The following CSTF3 variants were observed in gnomAD, a reference collection of about 807,000 sequenced individuals.
CSTF3 encodes the protein cleavage stimulation factor subunit 3, also known as CF-1 77 kDa subunit.
CSTF3 carries 29 observed loss-of-function variants against 105.8 expected under a neutral mutation model. The observed-to-expected ratio is 0.27, with a 90% CI of 0.20 to 0.37. The LOEUF (loss-of-function observed/expected upper bound fraction) is 0.37. Among genes scored for constraint, CSTF3 ranks in the 10% least tolerant of loss-of-function variants. The probability of loss-of-function intolerance (pLI) is 1.00; values close to 1 mark genes in which losing one functional copy is unlikely to be tolerated. For missense variants in CSTF3, 357 were observed against 879.3 expected (o/e 0.41, Z 7.51); for synonymous variants, 252 against 281.9 (o/e 0.89, Z 1.06).
At chr11:33,122,914 C>CAAA (rs10600978) in intron 3 of CSTF3, among the ~76,000 whole-genome samples, 56 of 83,646 alleles carry the variant, frequency 6.7e-4, no homozygotes, top group Middle Eastern at 7.4e-3. Context: ...TATCCTGTCT[C>CAAA]AAAAAAAAAA....
In CSTF3 at chr11:33,087,058, C is replaced by T; in HGVS notation, c.1725G>A (p.Val575=). 1 of 1,614,104 alleles carries T rather than the reference C, an allele frequency of 6.2e-7. No individual in the cohort carries two copies. The highest frequency in any genetic ancestry group is 8.5e-7 in the Non-Finnish European group (1 of 1,180,010). Residue 575 remains valine, a synonymous_variant, in exon 18 of 21, where the codon GTG becomes GTA. Coordinates refer to ENST00000323959, the MANE Select transcript of CSTF3 (RefSeq NM_001326.3). ...PSIVPVLKDE[V]DRKPEYPKPD... is the part of the protein sequence containing the mutation. Reference sequence around the variant, plus strand: ...GTTTAGGGTATTCTGGTTTTCTATCCACTTCATCTTTCAGAACAGGCACTA... The same window carrying T: ...GTTTAGGGTATTCTGGTTTTCTATCTACTTCATCTTTCAGAACAGGCACTA...
At chr11:33,157,644 CCT>C (rs781042098) in intron 1 of CSTF3, among the ~76,000 whole-genome samples, 12 of 152,064 alleles carry the variant, frequency 7.9e-5, no homozygotes, top group Admixed American at 2.6e-4. Flanking sequence ...CAATAATTTC[CCT>C]CTGTTAGGGG....
chr11:33,161,209 T>C lies in CSTF3; in HGVS notation c.27+90A>G. ...TGTCCCCCGGGTTCACTAGACCCAA[T>C]TCCTTCCTCAGCCGAACATGTCTGG... On this transcript the variant is annotated intron_variant, in intron 1 of 20. Transcript: ENST00000323959. 3 of 1,472,346 alleles carry C rather than the reference T, an allele frequency of 2.0e-6. 1 individual carries two copies. In the South Asian group the frequency reaches 3.4e-5, roughly 17 times the overall value. 91.2% of individuals were successfully genotyped at this position (1,472,346 alleles called of 1,614,324 possible). A position where few individuals can be genotyped will look rare whatever the true frequency, so the allele number is the denominator to read the frequency against.
At chr11:33,123,169 T>C (rs1346948179) in intron 3 of CSTF3, among the ~76,000 whole-genome samples, 1 of 150,990 alleles carries the variant, frequency 6.6e-6, no homozygotes, top group African/African-American at 2.4e-5. Flanking sequence ...ACTTCCCTAA[T>C]GTGCTCTTGT....
At chr11:33,143,060 CCA>C (rs1590284082) in intron 1 of CSTF3, among the ~76,000 whole-genome samples, 2 of 152,058 alleles carry the variant, frequency 1.3e-5, no homozygotes, top group East Asian at 3.9e-4. Flanking sequence ...TCATCCTGCG[CCA>C]CAAAGAAAAT....
chr11:33,131,906 T>C (rs930110374), intron 3 of CSTF3, among the ~76,000 whole-genome samples: 1 of 147,854 alleles, frequency 6.8e-6, no homozygotes, highest in African/African-American at 2.7e-5. Context: ...GTATTGTGGT[T>C]TTACAGGGTA....
At chr11:33,115,265 C>T (rs1364801547) in intron 3 of CSTF3, among the ~76,000 whole-genome samples, 2 of 152,174 alleles carry the variant, frequency 1.3e-5, no homozygotes, top group Admixed American at 6.6e-5. Flanking sequence ...ATCCTGAAAT[C>T]TGAAAGCAAA....
Position 33,085,207 on chromosome 11 carries a change from T to C in CSTF3, c.2034A>G (p.Ala678=). Residue 678 remains alanine (A), a synonymous_variant, in exon 21 of 21, where the codon GCA becomes GCG. Transcript: ENST00000323959. ...GCCTTTTGACGGCCTTGGTGAGTAC[T>C]GCATTACTTTCCACGGGGCCGTTGC... ...VEGNGPVESN[A]VLTKAVKRPN... is the part of the protein sequence containing the mutation. 3 of 1,611,744 alleles carry C rather than the reference T, an allele frequency of 1.9e-6. No individual in the cohort carries two copies. Among genetic ancestry groups the C allele is most frequent in the Non-Finnish European group, 2.5e-6 (3 of 1,178,872 alleles).
At chr11:33,128,914 C>T (rs1855571192) in intron 3 of CSTF3, among the ~76,000 whole-genome samples, 1 of 152,170 alleles carries the variant, frequency 6.6e-6, no homozygotes, top group Non-Finnish European at 1.5e-5. Context: ...CATACATGTA[C>T]TTCAAACCTC....
At position 33,098,713 on chromosome 11, in the gene CSTF3, T is replaced by A. The variant is rs953610086; in HGVS notation, c.1105A>T (p.Ile369Phe). ...VHSIYNRLLAIEDIDPTLVYI... is the reference protein window; with the variant it reads ...VHSIYNRLLAFEDIDPTLVYI... ...ACCAAGGTAGGGTCAATATCCTCAA[T>A]TGCCAGAAGTCTGTTATATATACTG... Residue 369 changes from isoleucine (I) to phenylalanine (F), a missense_variant, in exon 13 of 21, where the codon ATT becomes TTT. Ile to Phe is a conservative substitution (Grantham distance 21, BLOSUM62 0). Transcript: ENST00000323959. The A allele has an allele frequency of 2.5e-6, 4 of 1,582,118 alleles. No individual in the cohort carries two copies. The highest frequency in any genetic ancestry group is 1.4e-5 in the African/African-American group (1 of 72,822).
intron 3 of CSTF3, among the ~76,000 whole-genome samples, chr11:33,120,971 G>A (rs571266911): frequency 6.6e-6 from 1 of 152,092 alleles, no homozygotes; most frequent in African/African-American, 2.4e-5. Flanking sequence ...GACTAAAATG[G>A]AGGAATAATT....
chr11:33,133,523 A>G (rs1209170555), intron 3 of CSTF3, among the ~76,000 whole-genome samples: 1 of 152,246 alleles, frequency 6.6e-6, no homozygotes, highest in Admixed American at 6.5e-5. Context: ...CTTTTCAGCT[A>G]AAACCTATAA....
chr11:33,126,318 C>CAGG (rs1855542372), intron 3 of CSTF3, among the ~76,000 whole-genome samples: 1 of 152,014 alleles, frequency 6.6e-6, no homozygotes, highest in African/African-American at 2.4e-5. Flanking sequence ...TGGCCTGCAA[C>CAGG]TGTGGTCTTG....
intron 3 of CSTF3, among the ~76,000 whole-genome samples, chr11:33,118,364 T>C (rs1223600039): frequency 6.6e-6 from 1 of 151,912 alleles, no homozygotes; most frequent in Non-Finnish European, 1.5e-5. Context: ...TCAACAACCA[T>C]CACTTAACAT....
intron 3 of CSTF3, among the ~76,000 whole-genome samples, chr11:33,125,066 A>G (rs1018336740): frequency 6.6e-6 from 1 of 152,216 alleles, no homozygotes; most frequent in Non-Finnish European, 1.5e-5. Context: ...ATCATTCTGG[A>G]AATTTCAGTA....
At chr11:33,125,399 G>A (rs147640604) in intron 3 of CSTF3, among the ~76,000 whole-genome samples, 7 of 152,260 alleles carry the variant, frequency 4.6e-5, no homozygotes, top group Middle Eastern at 3.4e-3. Flanking sequence ...TCTCTGAGGC[G>A]TAGGAAGAAG....
chr11:33,113,527 C>T (rs1855401377), intron 3 of CSTF3, among the ~76,000 whole-genome samples: 1 of 151,792 alleles, frequency 6.6e-6, no homozygotes, highest in Non-Finnish European at 1.5e-5. Context: ...AACAAACAAA[C>T]AAACAAAAAA....
At chr11:33,117,086 G>T (rs986444804) in intron 3 of CSTF3, among the ~76,000 whole-genome samples, 1 of 151,970 alleles carries the variant, frequency 6.6e-6, no homozygotes, top group African/African-American at 2.4e-5. Flanking sequence ...AATTAAAGAT[G>T]CATATTTGTC....
Position 33,118,866 on chromosome 11 carries a change from T to C in CSTF3, c.226-10448A>G, listed in dbSNP as rs944149823. On this transcript the variant is annotated intron_variant, in intron 3 of 20. Coordinates refer to ENST00000323959, the MANE Select transcript of CSTF3 (RefSeq NM_001326.3). ...TATTAGTTTATTGCACATCAACTTA[T>C]AGTCTTTTCTACCTTAATTTGCAGC... is the stretch of plus-strand genomic sequence containing the variant. Among the ~76,000 whole-genome samples the C allele has an allele frequency of 6.6e-5, 10 of 151,874 alleles. 1 individual carries two copies. Among genetic ancestry groups the C allele is most frequent in the Admixed American group, 4.6e-4 (7 of 15,226 alleles).
Sources: gnomAD v4.1 joint callset for allele counts (sites outside exome capture counted in the v4.1 genomes callset) on GRCh38, gnomAD v4.1.1 for gene constraint, MANE v1.5 for transcripts, NCBI Gene and HGNC (gene_info 2026-07-23, HGNC 2026-07-21) for gene names.